AGMO: variants seen among roughly 807,000 people sequenced by gnomAD.
AGMO encodes glyceryl-ether monooxygenase.
Under a neutral mutation model 60.2 loss-of-function variants are expected in AGMO, and 75 were observed. The ratio of observed to expected loss-of-function variants is 1.25; its 90% confidence interval spans 1.03 to 1.51. AGMO has a LOEUF of 1.51. Ranked by LOEUF, AGMO falls within the 40% of genes most tolerant of loss-of-function variation. The pLI is 0.00. For missense variants in AGMO, 763 were observed against 525.5 expected (o/e 1.45, Z -4.42); for synonymous variants, 261 against 177.1 (o/e 1.47, Z -3.76).
At chr7:15,141,202 C>T in the AGMO span, among the ~76,000 whole-genome samples, 300 of 152,322 alleles carry the variant, frequency 2.0e-3, 1 homozygote, top group Admixed American at 0.016. Flanking sequence ...GCTGCAGTTT[C>T]AGTCTCAACC....
the AGMO span, among the ~76,000 whole-genome samples, chr7:15,153,322 C>A: frequency 6.6e-6 from 1 of 152,050 alleles, no homozygotes; most frequent in African/African-American, 2.4e-5. Context: ...ATTTCTTCTC[C>A]TTTGCAGGAG....
intron 8 of AGMO, among the ~76,000 whole-genome samples, chr7:15,388,223 A>G (rs1246971604): frequency 2.0e-5 from 3 of 152,246 alleles, no homozygotes; most frequent in African/African-American, 7.2e-5. Flanking sequence ...GAAGCAATTC[A>G]GAAATAATTT....
intron 12 of AGMO, among the ~76,000 whole-genome samples, chr7:15,326,233 G>C (rs1781336004): frequency 6.6e-6 from 1 of 152,120 alleles, no homozygotes; most frequent in Admixed American, 6.6e-5. Flanking sequence ...ACTAGATGGA[G>C]CCCAGGCATC....
In AGMO at chr7:15,364,713, T is replaced by A. The variant is rs534439733; in HGVS notation, c.1263+801A>T. On this transcript the variant is annotated intron_variant, in intron 12 of 12. Transcript: ENST00000342526. ...TATCTCCAAATTACCTCCAAAGGAG[T>A]TGTTTCAATTCATAATCAATATTAA... Among the ~76,000 whole-genome samples the A allele has an allele frequency of 1.2e-4, 18 of 152,092 alleles. No individual in the cohort carries two copies. In the East Asian group the frequency reaches 2.9e-3, roughly 24 times the overall value.
chr7:15,284,346 GAAGA>G (rs941005211), intron 12 of AGMO, among the ~76,000 whole-genome samples: 16 of 151,920 alleles, frequency 1.1e-4, no homozygotes, highest in African/African-American at 3.4e-4. Flanking sequence ...GATTAATCAA[GAAGA>G]GAGAGGTTTC....
intron 2 of AGMO, among the ~76,000 whole-genome samples, chr7:15,546,655 G>A (rs1390606911): frequency 6.6e-6 from 1 of 152,232 alleles, no homozygotes; most frequent in Non-Finnish European, 1.5e-5. Context: ...GGTCCCTCCT[G>A]GGGCAGGACA....
At chr7:15,213,587 T>C (rs1422049608) in intron 12 of AGMO, among the ~76,000 whole-genome samples, 1 of 151,848 alleles carries the variant, frequency 6.6e-6, no homozygotes, top group Non-Finnish European at 1.5e-5. Flanking sequence ...AATCCTTTTA[T>C]AAAAGCATCC....
intron 10 of AGMO, among the ~76,000 whole-genome samples, chr7:15,380,707 A>T (rs571464604): frequency 3.9e-5 from 6 of 152,236 alleles, no homozygotes; most frequent in Non-Finnish European, 8.8e-5. Context: ...AACCAATAAA[A>T]GAGCCCGAAC....
chr7:15,312,748 A>G (rs888960875), intron 12 of AGMO, among the ~76,000 whole-genome samples: 1 of 151,310 alleles, frequency 6.6e-6, no homozygotes, highest in African/African-American at 2.4e-5. Flanking sequence ...ACTGGCAATG[A>G]TGTCTGCTCA....
chr7:15,236,383 G>A (rs1417571005), intron 12 of AGMO, among the ~76,000 whole-genome samples: 2 of 151,880 alleles, frequency 1.3e-5, no homozygotes, highest in Admixed American at 6.6e-5. Flanking sequence ...ATTTGAAGGA[G>A]GACATATAAT....
chr7:15,548,970 G>A (rs1282841605), intron 2 of AGMO, among the ~76,000 whole-genome samples: 6 of 149,896 alleles, frequency 4.0e-5, no homozygotes, highest in Non-Finnish European at 7.4e-5. Context: ...CGGATCTCTC[G>A]GCAGAAACCC....
At chr7:15,342,172 TAAAAAAA>T (rs775057626) in intron 12 of AGMO, among the ~76,000 whole-genome samples, 669 of 54,316 alleles carry the variant, frequency 0.012, 24 homozygotes, top group East Asian at 0.055. Context: ...CCCACAGAGT[TAAAAAAA>T]AAAAAAAAAA....
chr7:15,162,568 C>T, the AGMO span, among the ~76,000 whole-genome samples: 5 of 152,054 alleles, frequency 3.3e-5, no homozygotes, highest in African/African-American at 1.2e-4. Context: ...GTGGCATGCA[C>T]CTATAGTCCC....
At chr7:15,299,891 T>C (rs1314229086) in intron 12 of AGMO, among the ~76,000 whole-genome samples, 1 of 117,020 alleles carries the variant, frequency 8.5e-6, no homozygotes, top group African/African-American at 3.0e-5. Flanking sequence ...ACACACAGTA[T>C]GTTTTGTGTT....
intron 4 of AGMO, among the ~76,000 whole-genome samples, chr7:15,424,954 A>G (rs922274809): frequency 2.0e-5 from 3 of 152,172 alleles, no homozygotes; most frequent in African/African-American, 7.2e-5. Context: ...GTCTTTGCTT[A>G]TGTAGTTTGG....
intron 12 of AGMO, among the ~76,000 whole-genome samples, chr7:15,343,189 C>G (rs1781920778): frequency 1.3e-5 from 2 of 152,068 alleles, no homozygotes; most frequent in South Asian, 2.1e-4. Flanking sequence ...TCCCCACTCG[C>G]CACTGTAAAA....
rs1291425872 is a variant in AGMO, at chr7:15,322,533, TAA to T, written c.1263+42979_1263+42980del. Among the ~76,000 whole-genome samples the T allele has an allele frequency of 8.7e-4, 71 of 81,910 alleles. 1 individual carries two copies. Among genetic ancestry groups the T allele is most frequent in the African/African-American group, 4.2e-3 (65 of 15,372 alleles). The allele number at this position is 81,910 out of a possible 152,430, so 53.7% of individuals were successfully genotyped here. On this transcript the variant is annotated intron_variant, in intron 12 of 12. Transcript: ENST00000342526. ...ATATATATAAATATATATAAATATA[TAA>T]ATATATATATAAATATATATAAATA... is the stretch of plus-strand genomic sequence containing the variant.
chr7:15,393,482 A>T (rs1209028135), intron 6 of AGMO, among the ~76,000 whole-genome samples: 1 of 152,208 alleles, frequency 6.6e-6, no homozygotes, highest in Non-Finnish European at 1.5e-5. Context: ...ACTGCTGAAA[A>T]ACATTTGAAT....
chr7:15,490,964 T>C (rs1783051510), intron 3 of AGMO, among the ~76,000 whole-genome samples: 2 of 152,196 alleles, frequency 1.3e-5, no homozygotes, highest in Non-Finnish European at 2.9e-5. Flanking sequence ...CATGAATATT[T>C]TGTTAATAAT....
Sources: gnomAD v4.1 joint callset for allele counts (sites outside exome capture counted in the v4.1 genomes callset) on GRCh38, gnomAD v4.1.1 for gene constraint, MANE v1.5 for transcripts, NCBI Gene and HGNC (gene_info 2026-07-23, HGNC 2026-07-21) for gene names.